Variants in RFC4 observed in about 807,000 individuals in gnomAD.
RFC4 encodes A1 37 kDa subunit.
A neutral mutation model predicts 47.6 loss-of-function variants in RFC4; 38 were observed. The observed-to-expected ratio is 0.80, with a 90% CI of 0.62 to 1.05. The LOEUF is 1.05. RFC4 is among the 50% of genes least tolerant of loss of function. The pLI is 0.00. For missense variants in RFC4, 489 were observed against 434.0 expected (o/e 1.13, Z -1.13); for synonymous variants, 164 against 150.0 (o/e 1.09, Z -0.68).
At chr3:186,791,904 C>A in intron 7 of RFC4, 54 bp from the exon 8 acceptor site, 2 of 1,462,906 alleles carry the variant, frequency 1.4e-6, no homozygotes, top group Non-Finnish European at 9.3e-7. Flanking sequence ...GGATTTATAA[C>A]TTTAATTTTA....
intron 8 of RFC4, 112 bp downstream of exon 8, chr3:186,791,613 C>G: frequency 3.3e-6 from 3 of 901,246 alleles, no homozygotes; most frequent in South Asian, 1.3e-5. Flanking sequence ...CCTTATACTT[C>G]CTAGTGCAGT....
At chr3:186,801,892 G>A (rs1206688506) in intron 2 of RFC4, among the ~76,000 whole-genome samples, 2 of 151,300 alleles carry the variant, frequency 1.3e-5, no homozygotes, top group Admixed American at 6.6e-5. Context: ...GCATGGTGGT[G>A]CATGCCTGTA....
rs144428719 is a variant in RFC4, at chr3:186,801,169, G to C, written c.158C>G (p.Ala53Gly). 109 of 1,614,124 alleles carry C rather than the reference G, an allele frequency of 6.8e-5. No individual in the cohort carries two copies. In the African/African-American group the frequency reaches 1.2e-3, roughly 18 times the overall value. Residue 53 changes from alanine (A) to glycine (G), a missense_variant, in exon 3 of 11, where the codon GCT becomes GGT. By Grantham distance (60) the Ala-to-Gly change is moderately conservative. Transcript: ENST00000296273. ...KYRPKCVDEVAFQEEVVAVLK... is the reference protein window; with the variant it reads ...KYRPKCVDEVGFQEEVVAVLK... ...CACTGCAACCACTTCTTCCTGGAAA[G>C]CAACTTCATCCACACATTTTGGGCG...
chr3:186,790,066 TACGAGAAA>T lies in RFC4; in HGVS notation c.997-10_997-3del. On this transcript the variant is annotated splice_polypyrimidine_tract_variant and splice_region_variant and intron_variant, in intron 10 of 10. Coordinates refer to ENST00000296273, the MANE Select transcript of RFC4 (RefSeq NM_002916.5). Reference sequence around the variant, plus strand: ...ATCTGCTAGGCATTTGTCAACTTCCTACGAGAAAAATTTAAGAAATTAGCATCCTTCAG... The same window carrying T: ...ATCTGCTAGGCATTTGTCAACTTCCTAATTTAAGAAATTAGCATCCTTCAG... 1 of 1,613,130 alleles carries T rather than the reference TACGAGAAA, an allele frequency of 6.2e-7. No individual in the cohort carries two copies. The highest frequency in any genetic ancestry group is 8.5e-7 in the Non-Finnish European group (1 of 1,179,170).
chr3:186,803,277 A>T (rs1160314180), intron 2 of RFC4, among the ~76,000 whole-genome samples: 3 of 151,984 alleles, frequency 2.0e-5, no homozygotes, highest in African/African-American at 7.2e-5. Flanking sequence ...TGGGAGGCAG[A>T]GGTTGCAGTG....
intron 8 of RFC4, 56 bp downstream of exon 8, chr3:186,791,669 C>T: frequency 6.4e-7 from 1 of 1,556,982 alleles, no homozygotes. Flanking sequence ...TGAAAATTTC[C>T]TAAAAGCCAC....
chr3:186,792,834 C>A lies in RFC4; in HGVS notation c.524G>T (p.Arg175Leu). The part of the protein sequence containing the change: ...RTMEKESKTT[R>L]FCLICNYVSR... ...GACATAGTTACAGATAAGACAGAAT[C>A]GGGTGGTTTTCGACTCCTTCTCCAT... Residue 175 changes from arginine (R) to leucine (L), a missense_variant, in exon 6 of 11, where the codon CGA (arginine) becomes CTA (leucine). Coordinates refer to ENST00000296273, the MANE Select transcript of RFC4 (RefSeq NM_002916.5). 2 of 1,613,864 alleles carry A rather than the reference C, an allele frequency of 1.2e-6. No individual in the cohort carries two copies. The highest frequency in any genetic ancestry group is 1.7e-6 in the Non-Finnish European group (2 of 1,179,932).
intron 4 of RFC4, 133 bp from the exon 5 acceptor site, chr3:186,794,910 T>G (rs369764071): frequency 1.0e-6 from 1 of 987,856 alleles, no homozygotes; most frequent in Non-Finnish European, 1.5e-6. Context: ...CAATCACTTT[T>G]GCATTCTCGC....
At position 186,790,421 on chromosome 3, in the gene RFC4, G is replaced by A. The variant is rs73886080; in HGVS notation, c.802-15C>T. On this transcript the variant is annotated splice_polypyrimidine_tract_variant and intron_variant, in intron 8 of 10. Transcript: ENST00000296273. ...GCTGGTATTACCTAGGTAATTGAAT[G>A]TTCGGTATTAAAGATGTTTCTAGGT... The A allele has an allele frequency of 3.3e-3, 5,269 of 1,578,070 alleles. 127 individuals are homozygous for A. The African/African-American group carries it at 0.058, about 17-fold the overall frequency.
At chr3:186,790,104 TTAAA>T (rs1722037310) in intron 10 of RFC4, 34 bp downstream of exon 10, 44 of 1,604,772 alleles carry the variant, frequency 2.7e-5, no homozygotes, top group Non-Finnish European at 3.7e-5. Context: ...CTTCAGGTAG[TTAAA>T]TGTTCCATTG....
intron 8 of RFC4, among the ~76,000 whole-genome samples, chr3:186,790,648 A>G (rs1233347907): frequency 1.3e-5 from 2 of 152,252 alleles, no homozygotes; most frequent in African/African-American, 2.4e-5. Flanking sequence ...GTTTGGGCAC[A>G]CATGGATTAT....
rs552693814 is a variant in RFC4, at chr3:186,789,962, A to G, written c.*7T>C. 5 of 1,562,060 alleles carry G rather than the reference A, an allele frequency of 3.2e-6. No individual in the cohort carries two copies. Among genetic ancestry groups the G allele is most frequent in the South Asian group, 2.2e-5 (2 of 89,284 alleles). The stretch of plus-strand genomic sequence containing the variant: ...TTTACAAAACCCCCCATCCAGATAT[A>G]TTCACGTTAACAATTCTGAGATAAC... On this transcript the variant is annotated 3_prime_UTR_variant, in exon 11 of 11. Coordinates refer to ENST00000296273, the MANE Select transcript of RFC4 (RefSeq NM_002916.5).
Position 186,796,510 on chromosome 3 carries a change from C to T in RFC4, c.290+1025G>A, listed in dbSNP as rs567273123. The stretch of plus-strand genomic sequence containing the variant: ...TCTTTTTTTTTTTGAGACGGAGTCT[C>T]GCTCTGTCACCCAGGCTGGAGTGCA... On this transcript the variant is annotated intron_variant, in intron 4 of 10. Coordinates refer to ENST00000296273, the MANE Select transcript of RFC4 (RefSeq NM_002916.5). The surrounding 1 kb of genome is among the most constrained non-coding windows in gnomAD (Gnocchi z 4.2). Among the ~76,000 whole-genome samples, 34 of 152,030 alleles carry T rather than the reference C, an allele frequency of 2.2e-4. No individual in the cohort carries two copies. The highest frequency in any genetic ancestry group is 4.1e-4 in the South Asian group (2 of 4,828).
rs1165910748 is a variant in RFC4 at position 186,792,795 on chromosome 3, T to C, written c.554+9A>G. 2 of 1,609,836 alleles carry C rather than the reference T, an allele frequency of 1.2e-6. No individual in the cohort carries two copies. The highest frequency in any genetic ancestry group is 1.7e-5 in the Admixed American group (1 of 58,852). The stretch of plus-strand genomic sequence containing the variant: ...TGCCTAGCATCTGTCTTCAGGGCAA[T>C]ATACATACCGACTGACATAGTTACA... On this transcript the variant is annotated intron_variant, in intron 6 of 10. Transcript: ENST00000296273.
chr3:186,797,444 G>GA, intron 4 of RFC4, 91 bp downstream of exon 4: 1 of 888,598 alleles, frequency 1.1e-6, no homozygotes. Context: ...TACAGAAAAC[G>GA]AAACGCAAAT....
intron 4 of RFC4, 123 bp from the exon 5 acceptor site, chr3:186,794,900 C>A: frequency 9.2e-7 from 1 of 1,089,438 alleles, no homozygotes; most frequent in Non-Finnish European, 1.3e-6. Flanking sequence ...AGAAGGCACA[C>A]AATCACTTTT....
At chr3:186,794,211 A>AT (rs1280359572) in intron 5 of RFC4, among the ~76,000 whole-genome samples, 2 of 152,238 alleles carry the variant, frequency 1.3e-5, no homozygotes, top group African/African-American at 2.4e-5. Flanking sequence ...CAAAAGTGGC[A>AT]TTAACATAAT....
chr3:186,805,333 A>T (rs1473345886), intron 1 of RFC4, among the ~76,000 whole-genome samples: 1 of 151,898 alleles, frequency 6.6e-6, no homozygotes, highest in Non-Finnish European at 1.5e-5. Flanking sequence ...TCATCTTCCC[A>T]CTTCAGCCTC....
chr3:186,797,678 T>C, intron 3 of RFC4, 64 bp from the exon 4 acceptor site: 2 of 1,151,186 alleles, frequency 1.7e-6, no homozygotes, highest in Non-Finnish European at 2.6e-6. Context: ...AAAAGGAAGA[T>C]CGAAAAAAAT....
Sources: gnomAD v4.1 joint callset for allele counts (sites outside exome capture counted in the v4.1 genomes callset) on GRCh38, gnomAD v4.1.1 for gene constraint, Gnocchi (gnomAD v3.1) non-coding constraint, MANE v1.5 for transcripts, NCBI Gene and HGNC (gene_info 2026-07-23, HGNC 2026-07-21) for gene names.